SOX6: variants seen among roughly 807,000 people sequenced by gnomAD.
SOX6 encodes transcription factor SOX-6.
SOX6 carries 11 observed loss-of-function variants against 97.8 expected under a neutral mutation model. The observed-to-expected ratio is 0.11, with a 90% CI of 0.07 to 0.19. SOX6 has a LOEUF of 0.19. Ranked by LOEUF, SOX6 falls within the 10% of genes least tolerant of loss-of-function variation. The pLI is 1.00. For missense variants in SOX6, 810 were observed against 1,039.5 expected, an observed-to-expected ratio of 0.78 and a Z score of 3.04; for synonymous variants, 360 against 371.4, an observed-to-expected ratio of 0.97 and a Z score of 0.35.
chr11:16,273,826 C>A (rs748967134), intron 3 of SOX6, among the ~76,000 whole-genome samples: 3 of 151,630 alleles, frequency 2.0e-5, no homozygotes, highest in Non-Finnish European at 4.4e-5. Flanking sequence ...TGAAATTCTG[C>A]CAACTAAAAG....
chr11:16,680,691 A>G (rs1847920556), intron 3 of SOX6, among the ~76,000 whole-genome samples: 1 of 152,190 alleles, frequency 6.6e-6, no homozygotes, highest in South Asian at 2.1e-4. Flanking sequence ...AAGACCCACC[A>G]GTGTACTGTA....
chr11:16,534,245 T>G (rs1861276561), intron 4 of SOX6, among the ~76,000 whole-genome samples: 1 of 152,154 alleles, frequency 6.6e-6, no homozygotes, highest in Non-Finnish European at 1.5e-5. Context: ...AATTCTCAAA[T>G]GAGCACTTCT....
Position 16,187,046 on chromosome 11 carries a change from T to C in SOX6, c.536-91A>G. ...GGCAGAATTTAGAAAGGGACTATCC[T>C]AAGACATTTAAAGATCTGGGACAAT... On this transcript the variant is annotated intron_variant, in intron 4 of 15. Transcript: ENST00000683767. 3.6e-6 allele frequency: 5 copies of C among 1,383,494 alleles called. No homozygotes were observed. The South Asian group carries it at 5.8e-5, about 16-fold the overall frequency. The allele number at this position is 1,383,494 out of a possible 1,614,324, so 85.7% of individuals were successfully genotyped here. A position where few individuals can be genotyped will look rare whatever the true frequency, so the allele number is the denominator to read the frequency against.
chr11:16,199,896 C>CA (rs1307355705), intron 4 of SOX6, among the ~76,000 whole-genome samples: 9 of 152,176 alleles, frequency 5.9e-5, no homozygotes, highest in Admixed American at 2.0e-4. Flanking sequence ...ATAAATTATA[C>CA]AAACTAAGCA....
At chr11:16,343,682 A>G (rs181376539) in intron 1 of SOX6, among the ~76,000 whole-genome samples, 1 of 152,040 alleles carries the variant, frequency 6.6e-6, no homozygotes, top group East Asian at 1.9e-4. Context: ...AATTATCTTC[A>G]AATGGGGAGT....
intron 4 of SOX6, among the ~76,000 whole-genome samples, chr11:16,485,035 C>T (rs529101870): frequency 7.2e-5 from 11 of 152,210 alleles, no homozygotes; most frequent in Non-Finnish European, 1.2e-4. Context: ...CCTAAGCCTA[C>T]TTTAATAAAT....
chr11:16,209,217 T>G (rs1178266447), intron 4 of SOX6, among the ~76,000 whole-genome samples: 1 of 152,216 alleles, frequency 6.6e-6, no homozygotes, highest in Non-Finnish European at 1.5e-5. Flanking sequence ...TTTAAATTTT[T>G]TCTCAGTTTT....
intron 4 of SOX6, among the ~76,000 whole-genome samples, chr11:16,540,544 C>G (rs9667265): frequency 0.15 from 22,322 of 152,038 alleles, 1,805 homozygotes; most frequent in African/African-American, 0.22. Context: ...TCCGTTTGCA[C>G]ATAACATGAT....
intron 4 of SOX6, among the ~76,000 whole-genome samples, chr11:16,583,603 G>GTATA (rs1848051876): frequency 4.4e-5 from 1 of 22,670 alleles, no homozygotes; most frequent in Non-Finnish European, 8.1e-5. Flanking sequence ...GTATATATGT[G>GTATA]TATATATATA....
chr11:16,048,629 A>G (rs1847605375), intron 11 of SOX6, among the ~76,000 whole-genome samples: 1 of 152,194 alleles, frequency 6.6e-6, no homozygotes, highest in Admixed American at 6.5e-5. Context: ...TTATTGTGAA[A>G]CATCAAATCA....
intron 4 of SOX6, among the ~76,000 whole-genome samples, chr11:16,216,612 TAAAA>T (rs35605922): frequency 4.2e-4 from 61 of 146,728 alleles, no homozygotes; most frequent in Non-Finnish European, 5.3e-4. Context: ...CTTTTCAGAC[TAAAA>T]AAAAAAAAAA....
intron 3 of SOX6, among the ~76,000 whole-genome samples, chr11:16,263,662 CAT>C (rs1327214040): frequency 6.6e-6 from 1 of 151,856 alleles, no homozygotes; most frequent in Non-Finnish European, 1.5e-5. Flanking sequence ...TTCATGGTAA[CAT>C]AATTCATAGT....
chr11:16,484,215 G>C lies in SOX6; in HGVS notation n.610-7827C>G. 6 of 823,764 alleles carry C rather than the reference G, an allele frequency of 7.3e-6. No homozygotes were observed. The South Asian group carries it at 7.9e-5, about 11-fold the overall frequency. The allele number at this position is 823,764 out of a possible 1,614,324, so 51.0% of individuals were successfully genotyped here. A position where few individuals can be genotyped will look rare whatever the true frequency, so the allele number is the denominator to read the frequency against. ...TTGGAGATGCCAATAGCTTTCACCAGCCCTTCATCCACCAGCTCCTCCATG... is the reference window on the plus strand; with the variant it reads ...TTGGAGATGCCAATAGCTTTCACCACCCCTTCATCCACCAGCTCCTCCATG... On this transcript the variant is annotated intron_variant and non_coding_transcript_variant, in intron 4 of 5. Transcript: ENST00000524520.
At chr11:16,427,485 C>T (rs1322573212) in intron 1 of SOX6, among the ~76,000 whole-genome samples, 3 of 151,932 alleles carry the variant, frequency 2.0e-5, no homozygotes, top group Admixed American at 6.5e-5. Context: ...CCCCACTCCC[C>T]CCACCCCACA....
intron 12 of SOX6, among the ~76,000 whole-genome samples, chr11:16,017,549 T>C (rs1463609954): frequency 6.6e-6 from 1 of 152,086 alleles, no homozygotes. Context: ...GCTCAGAATA[T>C]TTATTTGCCA....
intron 6 of SOX6, among the ~76,000 whole-genome samples, chr11:16,134,192 A>G (rs10832551): frequency 0.31 from 47,279 of 152,168 alleles, 8,825 homozygotes; most frequent in Non-Finnish European, 0.41. Context: ...AGAAAAGCTT[A>G]ATAGCTTGCC....
At chr11:16,024,791 T>C (rs977947723) in intron 12 of SOX6, among the ~76,000 whole-genome samples, 11 of 152,074 alleles carry the variant, frequency 7.2e-5, no homozygotes, top group African/African-American at 2.7e-4. Flanking sequence ...TGAACTAATG[T>C]CTGCAGAGCT....
At chr11:16,328,201 C>A (rs973214075) in intron 2 of SOX6, among the ~76,000 whole-genome samples, 14 of 152,068 alleles carry the variant, frequency 9.2e-5, no homozygotes, top group Non-Finnish European at 1.8e-4. Flanking sequence ...AAAGCCCAAA[C>A]CCTAAAATAG....
intron 3 of SOX6, among the ~76,000 whole-genome samples, chr11:16,301,363 G>A (rs146451343): frequency 6.6e-6 from 1 of 152,232 alleles, no homozygotes; most frequent in African/African-American, 2.4e-5. Context: ...ATATTACATG[G>A]CTTGGACTAT....
Sources: allele counts gnomAD v4.1 joint callset (sites outside exome capture counted in the v4.1 genomes callset), GRCh38; gene constraint gnomAD v4.1.1; transcripts MANE v1.5; gene names NCBI Gene and HGNC (gene_info 2026-07-23, HGNC 2026-07-21).